Variants in HERC3 observed in about 807,000 individuals in gnomAD.
HERC3 encodes the protein probable E3 ubiquitin-protein ligase HERC3.
In HERC3, 58 loss-of-function variants were observed where a neutral mutation model predicts 129.9. The ratio of observed to expected loss-of-function variants is 0.45; its 90% CI spans 0.36 to 0.56. The LOEUF is 0.56. Among genes scored for constraint, HERC3 ranks in the 20% least tolerant of loss-of-function variants. The pLI is 0.00. For missense variants in HERC3, 835 were observed against 1,244.2 expected, an observed-to-expected ratio of 0.67 and a Z score of 4.95; for synonymous variants, 430 against 451.0, an observed-to-expected ratio of 0.95 and a Z score of 0.59.
At chr4:88,656,143 A>C in intron 9 of HERC3, 108 bp downstream of exon 9, 1 of 1,060,338 alleles carries the variant, frequency 9.4e-7, no homozygotes. Context: ...GGGAATGAAG[A>C]TAAGGTATTT....
Position 88,676,261 on chromosome 4 carries a change from T to G in HERC3, c.1935+20T>G. The G allele has an allele frequency of 6.4e-7, 1 of 1,571,026 alleles. No individual in the cohort carries two copies. The highest frequency in any genetic ancestry group is 8.8e-7 in the Non-Finnish European group (1 of 1,141,158). On this transcript the variant is annotated intron_variant, in intron 17 of 25. Coordinates refer to ENST00000402738, the MANE Select transcript of HERC3 (RefSeq NM_014606.3). ...ATACAGGTAAATGATCCTTTTTAAA[T>G]TTGCTTTTATATTTTTCCAGCTATA...
intron 21 of HERC3, among the ~76,000 whole-genome samples, chr4:88,682,105 A>G (rs911001692): frequency 7.9e-5 from 12 of 152,158 alleles, no homozygotes; most frequent in African/African-American, 2.7e-4. Context: ...TCATCAGTTG[A>G]TGGACATTGG....
At chr4:88,634,964 C>T (rs929888192) in intron 3 of HERC3, among the ~76,000 whole-genome samples, 1 of 152,052 alleles carries the variant, frequency 6.6e-6, no homozygotes, top group Non-Finnish European at 1.5e-5. Flanking sequence ...ACAACAGTTT[C>T]AACAAAAAAG....
chr4:88,697,269 C>G (rs1019531853), intron 23 of HERC3: 27 of 1,581,234 alleles, frequency 1.7e-5, no homozygotes, highest in Middle Eastern at 1.7e-4. Context: ...CCGCGGCAGC[C>G]TCTGCCGCAG....
At chr4:88,551,961 A>G in the HERC3 span, among the ~76,000 whole-genome samples, 1 of 152,172 alleles carries the variant, frequency 6.6e-6, no homozygotes, top group Non-Finnish European at 1.5e-5. Flanking sequence ...GCCATAAAAA[A>G]TGATGAGTTC....
the HERC3 span, among the ~76,000 whole-genome samples, chr4:88,532,513 A>G: frequency 2.6e-5 from 4 of 152,314 alleles, no homozygotes; most frequent in Admixed American, 6.5e-5. Flanking sequence ...GATGATGTCC[A>G]TTCACATAAG....
At chr4:88,525,020 T>G in the HERC3 span, 3 of 88,814 alleles carry the variant, frequency 3.4e-5, no homozygotes, top group Admixed American at 3.2e-4. Flanking sequence ...GGCCATCCTG[T>G]TTTTTTTAAA....
At chr4:88,642,233 C>G (rs1399671919) in intron 3 of HERC3, among the ~76,000 whole-genome samples, 1 of 151,446 alleles carries the variant, frequency 6.6e-6, no homozygotes, top group Non-Finnish European at 1.5e-5. Flanking sequence ...AGAAATGACA[C>G]TGATGAAATA....
chr4:88,652,941 C>A lies in HERC3; in HGVS notation c.536C>A (p.Ala179Asp). The A allele has an allele frequency of 6.2e-7, 1 of 1,614,090 alleles. No homozygotes were observed. Among genetic ancestry groups the A allele is most frequent in the African/African-American group, 1.3e-5 (1 of 75,060 alleles). The part of the protein sequence containing the change: ...LGLGKEFPSQ[A>D]SPQRVRSLEG... ...TTAGGGAAGGAGTTCCCCTCCCAAG[C>A]CAGCCCACAGAGGGTGAGGTCCCTG... The change falls in exon 6 of 26, where the codon GCC (alanine) becomes GAC (aspartate). Residue 179 changes from alanine (A) to aspartate (D), a missense_variant. Physicochemically the swap from Ala to Asp is moderately radical, Grantham distance 126. Transcript: ENST00000402738.
In HERC3 at chr4:88,707,158, G is replaced by T; in HGVS notation, c.*198G>T. The T allele has an allele frequency of 1.7e-6, 1 of 580,468 alleles. No individual in the cohort carries two copies. 36.0% of individuals were successfully genotyped at this position (580,468 alleles called of 1,614,324 possible). ...TTGAAAAATTAGAGGTTGGGGATGG[G>T]GTGAAAAATTGGCCCTTGTATGGGA... is the stretch of plus-strand genomic sequence containing the variant. On this transcript the variant is annotated 3_prime_UTR_variant, in exon 26 of 26. Transcript: ENST00000402738.
At chr4:88,578,679 G>C in the HERC3 span, among the ~76,000 whole-genome samples, 1 of 152,052 alleles carries the variant, frequency 6.6e-6, no homozygotes, top group African/African-American at 2.4e-5. Context: ...GAAGAAAAAG[G>C]AGGAGGAGGT....
At chr4:88,667,348 T>C (rs1163847730) in intron 12 of HERC3, 29 bp from the exon 13 acceptor site, 2 of 1,262,244 alleles carry the variant, frequency 1.6e-6, no homozygotes. Context: ...TTTCTTTTAT[T>C]ATATACCTTT....
At chr4:88,634,552 T>C (rs1482504137) in intron 3 of HERC3, among the ~76,000 whole-genome samples, 1 of 152,120 alleles carries the variant, frequency 6.6e-6, no homozygotes, top group Non-Finnish European at 1.5e-5. Flanking sequence ...GACTTAGTCT[T>C]TCCTCCTGCG....
intron 2 of HERC3, among the ~76,000 whole-genome samples, chr4:88,601,308 A>T (rs1722935592): frequency 6.6e-6 from 1 of 152,246 alleles, no homozygotes; most frequent in Admixed American, 6.5e-5. Flanking sequence ...GTATATACCA[A>T]TTAAGGCCAT....
the HERC3 span, among the ~76,000 whole-genome samples, chr4:88,565,431 G>A: frequency 6.6e-6 from 1 of 152,002 alleles, no homozygotes; most frequent in Admixed American, 6.6e-5. Context: ...TTGGGTGTAT[G>A]TATATTTACA....
At chr4:88,638,771 T>C (rs1347386614) in intron 3 of HERC3, among the ~76,000 whole-genome samples, 1 of 152,042 alleles carries the variant, frequency 6.6e-6, no homozygotes, top group African/African-American at 2.4e-5. Flanking sequence ...AAATAAAGGG[T>C]ACTCAAATAA....
chr4:88,603,508 A>G (rs1176141624), intron 2 of HERC3, among the ~76,000 whole-genome samples: 3 of 151,944 alleles, frequency 2.0e-5, no homozygotes, highest in Non-Finnish European at 4.4e-5. Flanking sequence ...TGCCCGGCCA[A>G]TCGCTCTCTC....
At chr4:88,583,683 GA>G in the HERC3 span, 1 of 152,192 alleles carries the variant, frequency 6.6e-6, no homozygotes, top group African/African-American at 2.4e-5. Flanking sequence ...CACAGGTGGA[GA>G]GGGGCGCTTT....
chr4:88,525,930 T>C, the HERC3 span, among the ~76,000 whole-genome samples: 3 of 152,214 alleles, frequency 2.0e-5, no homozygotes, highest in East Asian at 3.9e-4. Flanking sequence ...CATAGGCCTG[T>C]GCACAATAAC....
Sources: gnomAD v4.1 joint callset for allele counts (sites outside exome capture counted in the v4.1 genomes callset) on GRCh38, gnomAD v4.1.1 for gene constraint, MANE v1.5 for transcripts, NCBI Gene and HGNC (gene_info 2026-07-23, HGNC 2026-07-21) for gene names.